The following CHRM2 variants were observed in gnomAD, a reference collection of about 807,000 sequenced individuals.
CHRM2 encodes the protein muscarinic acetylcholine receptor M2.
A neutral mutation model predicts 25.0 loss-of-function variants in CHRM2; 8 were observed. That is an observed-to-expected ratio of 0.32 (90% confidence interval 0.19 to 0.58). The LOEUF (loss-of-function observed/expected upper bound fraction) is 0.58, where lower values mean the gene tolerates loss of function less well. CHRM2 is among the 20% of genes least tolerant of loss of function. CHRM2 has a pLI of 0.88. For synonymous variants in CHRM2, 202 were observed against 205.7 expected (o/e 0.98, Z 0.15); for missense variants, 440 against 567.1 (o/e 0.78, Z 2.28).
chr7:137,006,638 T>C (rs913803228), intron 3 of CHRM2, among the ~76,000 whole-genome samples: 3 of 152,140 alleles, frequency 2.0e-5, no homozygotes, highest in Non-Finnish European at 4.4e-5. Context: ...TTCTGTTCTA[T>C]AATTTTCTTT....
chr7:137,001,512 G>C (rs894587080), intron 3 of CHRM2, among the ~76,000 whole-genome samples: 1 of 152,082 alleles, frequency 6.6e-6, no homozygotes, highest in Non-Finnish European at 1.5e-5. Context: ...GAATGATTCT[G>C]TCCTTGGAAC....
chr7:136,886,203 T>A (rs538566859), intron 2 of CHRM2, among the ~76,000 whole-genome samples: 1 of 152,210 alleles, frequency 6.6e-6, no homozygotes, highest in South Asian at 2.1e-4. Flanking sequence ...AATGGCAACA[T>A]CTAGCTTATG....
chr7:136,878,714 C>A (rs71541330), intron 2 of CHRM2, among the ~76,000 whole-genome samples: 20,272 of 151,836 alleles, frequency 0.13, 1,600 homozygotes, highest in Non-Finnish European at 0.18. Context: ...AAATTTATTC[C>A]TTTTTCTTTC....
At chr7:136,920,497 C>G (rs1254773157) in intron 2 of CHRM2, among the ~76,000 whole-genome samples, 1 of 152,106 alleles carries the variant, frequency 6.6e-6, no homozygotes, top group African/African-American at 2.4e-5. Context: ...TTTTGAGGCT[C>G]TAGATGGCAT....
At chr7:136,905,953 T>A (rs952961406) in intron 2 of CHRM2, among the ~76,000 whole-genome samples, 1 of 150,192 alleles carries the variant, frequency 6.7e-6, no homozygotes, top group African/African-American at 2.4e-5. Flanking sequence ...CAAAATGTTA[T>A]TTTTTTTTCA....
At position 137,016,586 on chromosome 7, in the gene CHRM2, C is replaced by T. The variant is rs1348065016; in HGVS notation, c.*320C>T. On this transcript the variant is annotated 3_prime_UTR_variant, in exon 4 of 4. Coordinates refer to ENST00000680005, the MANE Select transcript of CHRM2 (RefSeq NM_001006630.2). ...TTCTACAATTTTATCAGTCTCTGCA[C>T]AAGAGGAATAACCTTGTTCCTTTTT... 5 of 332,944 alleles carry T rather than the reference C, an allele frequency of 1.5e-5. No individual in the cohort carries two copies. Among genetic ancestry groups the T allele is most frequent in the African/African-American group, 8.6e-5 (4 of 46,656 alleles). The allele number at this position is 332,944 out of a possible 1,614,324, so 20.6% of individuals were successfully genotyped here. A position where few individuals can be genotyped will look rare whatever the true frequency, so the allele number is the denominator to read the frequency against.
At chr7:136,890,954 C>T (rs948673349) in intron 2 of CHRM2, among the ~76,000 whole-genome samples, 1 of 152,166 alleles carries the variant, frequency 6.6e-6, no homozygotes, top group African/African-American at 2.4e-5. Context: ...TTCATCCCTA[C>T]TGTGTCTCCT....
chr7:136,958,975 C>A (rs1254652613), intron 2 of CHRM2, among the ~76,000 whole-genome samples: 4 of 152,096 alleles, frequency 2.6e-5, no homozygotes, highest in Non-Finnish European at 5.9e-5. Flanking sequence ...CTGAGGCCCA[C>A]CAGTTTGTCT....
chr7:137,016,309 G>C lies in CHRM2; in HGVS notation c.*43G>C, dbSNP rs550038279. 269 of 1,584,604 alleles carry C rather than the reference G, an allele frequency of 1.7e-4. 2 individuals carry two copies. In the South Asian group the frequency reaches 2.8e-3, roughly 16 times the overall value. On this transcript the variant is annotated 3_prime_UTR_variant, in exon 4 of 4. Coordinates refer to ENST00000680005, the MANE Select transcript of CHRM2 (RefSeq NM_001006630.2). ...TAGAAGGTGGGCAAGGGGAGCTTGAGAAGAATAAAAGGGATAAACGAGCTC... is the reference window on the plus strand; with the variant it reads ...TAGAAGGTGGGCAAGGGGAGCTTGACAAGAATAAAAGGGATAAACGAGCTC...
In CHRM2 at chr7:137,019,828, T is replaced by A. The variant is rs1805344914; in HGVS notation, c.*3562T>A. On this transcript the variant is annotated 3_prime_UTR_variant, in exon 4 of 4. Transcript: ENST00000680005. ...ATACTCCTGCTCTTTGTTCATTTGC[T>A]TTTTTGATCCTGAAGATCTGACATT... is the stretch of plus-strand genomic sequence containing the variant. The A allele has an allele frequency of 6.6e-6, 1 of 151,920 alleles. No individual in the cohort carries two copies. The highest frequency in any genetic ancestry group is 6.6e-5 in the Admixed American group (1 of 15,200). 9.4% of individuals were successfully genotyped at this position (151,920 alleles called of 1,614,324 possible).
At chr7:137,012,994 T>A (rs752302670) in intron 3 of CHRM2, among the ~76,000 whole-genome samples, 3 of 152,006 alleles carry the variant, frequency 2.0e-5, no homozygotes, top group Non-Finnish European at 4.4e-5. Flanking sequence ...ACTGTGGGGT[T>A]GAGTATCATT....
At chr7:136,994,547 T>TTTTGGGGG (rs1803460052) in intron 3 of CHRM2, among the ~76,000 whole-genome samples, 1 of 139,706 alleles carries the variant, frequency 7.2e-6, no homozygotes, top group African/African-American at 2.7e-5. Context: ...TTTTTTTTTT[T>TTTTGGGGG]GAGACGGAGT....
chr7:136,887,907 G>A (rs748402248), intron 2 of CHRM2, among the ~76,000 whole-genome samples: 19 of 152,088 alleles, frequency 1.2e-4, no homozygotes, highest in Non-Finnish European at 2.5e-4. Context: ...CTCCTGGGAG[G>A]CACTTTGATG....
At chr7:136,911,564 C>T (rs992709350) in intron 2 of CHRM2, among the ~76,000 whole-genome samples, 1 of 151,928 alleles carries the variant, frequency 6.6e-6, no homozygotes, top group Non-Finnish European at 1.5e-5. Flanking sequence ...TCTTCACGTA[C>T]ATACTGGGTT....
chr7:137,005,823 T>G (rs1804386867), intron 3 of CHRM2, among the ~76,000 whole-genome samples: 1 of 152,118 alleles, frequency 6.6e-6, no homozygotes, highest in Admixed American at 6.6e-5. Flanking sequence ...AATTAACTAA[T>G]TTAGAGTTAT....
At chr7:136,911,546 G>A (rs952891960) in intron 2 of CHRM2, among the ~76,000 whole-genome samples, 1 of 151,802 alleles carries the variant, frequency 6.6e-6, no homozygotes, top group African/African-American at 2.4e-5. Flanking sequence ...TTGGAACCTT[G>A]GGCTGTATCT....
At chr7:136,992,722 ACT>A (rs995480320) in intron 3 of CHRM2, among the ~76,000 whole-genome samples, 1 of 151,238 alleles carries the variant, frequency 6.6e-6, no homozygotes, top group Non-Finnish European at 1.5e-5. Flanking sequence ...GGATTGACTG[ACT>A]CTCTCTCTCC....
chr7:137,009,220 CT>C (rs1460597159), intron 3 of CHRM2, among the ~76,000 whole-genome samples: 5 of 151,942 alleles, frequency 3.3e-5, no homozygotes, highest in Non-Finnish European at 2.9e-5. Context: ...TAATTCTCCG[CT>C]TTTATCTAAA....
At chr7:136,990,133 T>C (rs1803121725) in intron 2 of CHRM2, among the ~76,000 whole-genome samples, 1 of 152,152 alleles carries the variant, frequency 6.6e-6, no homozygotes, top group Non-Finnish European at 1.5e-5. Context: ...ATATACCTCC[T>C]ACCCTCACAC....
Sources: gnomAD v4.1 joint callset for allele counts (sites outside exome capture counted in the v4.1 genomes callset) on GRCh38, gnomAD v4.1.1 for gene constraint, MANE v1.5 for transcripts, NCBI Gene and HGNC (gene_info 2026-07-23, HGNC 2026-07-21) for gene names.